Variants in NFATC3 observed in about 807,000 individuals in gnomAD.
NFATC3 encodes nuclear factor of activated T cells 3.
NFATC3 carries 46 observed loss-of-function variants against 98.6 expected under a neutral mutation model. The ratio of observed to expected loss-of-function variants is 0.47; its 90% CI spans 0.37 to 0.60. NFATC3 has a LOEUF of 0.60. Ranked by LOEUF, NFATC3 falls within the 20% of genes least tolerant of loss-of-function variation. The pLI is 0.00. For missense variants in NFATC3, 1,256 were observed against 1,295.5 expected (o/e 0.97, Z 0.47); for synonymous variants, 512 against 472.2 (o/e 1.08, Z -1.09).
intron 9 of NFATC3, among the ~76,000 whole-genome samples, chr16:68,201,546 C>G (rs2040915514): frequency 6.6e-6 from 1 of 151,246 alleles, no homozygotes; most frequent in Non-Finnish European, 1.5e-5. Flanking sequence ...GCTGGTATTA[C>G]AGGCGTGAGC....
chr16:68,115,736 T>TTTG (rs895291803), intron 1 of NFATC3, among the ~76,000 whole-genome samples: 1 of 152,124 alleles, frequency 6.6e-6, no homozygotes, highest in African/African-American at 2.4e-5. Context: ...ATTGTTTTTT[T>TTTG]TTGTTGTTGT....
intron 3 of NFATC3, chr16:68,138,606 C>T (rs2037573687): frequency 7.8e-7 from 1 of 1,289,076 alleles, no homozygotes; most frequent in Non-Finnish European, 1.0e-6. Flanking sequence ...ACTCAAGATA[C>T]TTAACTACAT....
intron 9 of NFATC3, among the ~76,000 whole-genome samples, chr16:68,203,629 T>C (rs1219245215): frequency 6.6e-6 from 1 of 152,130 alleles, no homozygotes; most frequent in Admixed American, 6.6e-5. Context: ...TGAGACCCTG[T>C]CTCAAAATAA....
At chr16:68,097,931 A>G (rs758420079) in intron 1 of NFATC3, among the ~76,000 whole-genome samples, 3 of 152,150 alleles carry the variant, frequency 2.0e-5, no homozygotes, top group African/African-American at 4.8e-5. Flanking sequence ...GAACATTTAT[A>G]TAAGTGGAAT....
At chr16:68,153,353 C>G (rs1271360918) in intron 3 of NFATC3, among the ~76,000 whole-genome samples, 1 of 152,086 alleles carries the variant, frequency 6.6e-6, no homozygotes, top group East Asian at 1.9e-4. Flanking sequence ...ACCCAGGAGG[C>G]AGAGGTTGCA....
intron 8 of NFATC3, among the ~76,000 whole-genome samples, chr16:68,188,151 G>T (rs1032404209): frequency 6.6e-6 from 1 of 152,132 alleles, no homozygotes; most frequent in East Asian, 1.9e-4. Flanking sequence ...CCTCAACCTC[G>T]CTCCAAGATT....
At position 68,191,041 on chromosome 16, in the gene NFATC3, A is replaced by G; in HGVS notation, c.2372A>G (p.Gln791Arg). The change falls in exon 9 of 10, where the codon CAA (glutamine) becomes CGA (arginine). Residue 791 changes from glutamine (Q) to arginine (R), a missense_variant. By Grantham distance (43) the Gln-to-Arg change is conservative. Coordinates refer to ENST00000346183, the MANE Select transcript of NFATC3 (RefSeq NM_173165.3). ...TCTCCAATTGTACACCAGCCTTTTCAAGTCACACCAACACCTCCTGTGGGG... is the reference window on the plus strand; with the variant it reads ...TCTCCAATTGTACACCAGCCTTTTCGAGTCACACCAACACCTCCTGTGGGG... ...IPSPIVHQPFQVTPTPPVGSS... is the reference protein window; with the variant it reads ...IPSPIVHQPFRVTPTPPVGSS... The G allele has an allele frequency of 6.2e-7, 1 of 1,614,182 alleles. No individual in the cohort carries two copies.
intron 9 of NFATC3, among the ~76,000 whole-genome samples, chr16:68,195,107 A>G (rs2040605426): frequency 6.6e-6 from 1 of 151,776 alleles, no homozygotes; most frequent in South Asian, 2.1e-4. Context: ...ACAAAAAAAA[A>G]AAGCCAGCGT....
intron 1 of NFATC3, among the ~76,000 whole-genome samples, chr16:68,120,889 C>T (rs916909641): frequency 1.3e-5 from 2 of 152,088 alleles, no homozygotes; most frequent in African/African-American, 4.8e-5. Context: ...GTTCCAATAT[C>T]CTATACTTTT....
At chr16:68,085,936 A>G in intron 1 of NFATC3, 152 bp downstream of exon 1, 1 of 564,382 alleles carries the variant, frequency 1.8e-6, no homozygotes, top group Non-Finnish European at 2.8e-6. Context: ...AAACGGATTT[A>G]AATCGCTGAG....
intron 1 of NFATC3, among the ~76,000 whole-genome samples, chr16:68,115,284 G>A (rs924459642): frequency 7.9e-5 from 12 of 152,022 alleles, no homozygotes; most frequent in African/African-American, 2.7e-4. Context: ...GGCTGGTCTC[G>A]AACTCCTGAC....
At chr16:68,209,850 G>GAC (rs755825565) in intron 9 of NFATC3, 28,167 of 314,024 alleles carry the variant, frequency 0.09, 1,256 homozygotes, top group South Asian at 0.11. Context: ...CACACACACA[G>GAC]ACACACACAC....
intron 9 of NFATC3, among the ~76,000 whole-genome samples, chr16:68,198,901 A>C (rs2151129769): frequency 6.6e-6 from 1 of 152,172 alleles, no homozygotes; most frequent in South Asian, 2.1e-4. Flanking sequence ...CAAAAAAACT[A>C]GCCAGACATG....
In NFATC3 at chr16:68,123,194, A is replaced by AT. The variant is rs1181927979; in HGVS notation, c.1238+73_1238+74insT. On this transcript the variant is annotated intron_variant, in intron 2 of 9. Coordinates refer to ENST00000346183, the MANE Select transcript of NFATC3 (RefSeq NM_173165.3). ...ATTGGTGGCATATAACTACATTATC[A>AT]GTATATAATGGTTATATAATGGTTT... is the stretch of plus-strand genomic sequence containing the variant. The AT allele has an allele frequency of 6.6e-5, 96 of 1,450,190 alleles. No homozygotes were observed. The Middle Eastern group carries it at 7.2e-4, about 11-fold the overall frequency. 89.8% of individuals were successfully genotyped at this position (1,450,190 alleles called of 1,614,324 possible). A position where few individuals can be genotyped will look rare whatever the true frequency, so the allele number is the denominator to read the frequency against.
intron 1 of NFATC3, among the ~76,000 whole-genome samples, chr16:68,092,497 T>C (rs974429726): frequency 2.9e-5 from 4 of 135,702 alleles, no homozygotes; most frequent in Non-Finnish European, 6.5e-5. Context: ...CACGGTGGCT[T>C]ACGCCTGTAA....
At chr16:68,085,923 TA>T in intron 1 of NFATC3, 139 bp downstream of exon 1, 1 of 607,778 alleles carries the variant, frequency 1.6e-6, no homozygotes, top group Non-Finnish European at 2.6e-6. Context: ...TGTGGTGAGT[TA>T]AAAACGGATT....
chr16:68,103,822 T>A (rs773038924), intron 1 of NFATC3, among the ~76,000 whole-genome samples: 14 of 152,230 alleles, frequency 9.2e-5, no homozygotes, highest in South Asian at 8.3e-4. Flanking sequence ...ATTTAAAGTC[T>A]TAGCACCCTT....
intron 3 of NFATC3, among the ~76,000 whole-genome samples, chr16:68,144,328 A>T (rs1452743670): frequency 1.3e-5 from 2 of 152,166 alleles, no homozygotes; most frequent in Admixed American, 1.3e-4. Context: ...ATAAACTGCT[A>T]GTGAGAGTTA....
At chr16:68,170,246 A>T (rs901831798) in intron 5 of NFATC3, among the ~76,000 whole-genome samples, 1 of 150,984 alleles carries the variant, frequency 6.6e-6, no homozygotes, top group Non-Finnish European at 1.5e-5. Flanking sequence ...CAAAAATTAG[A>T]TGGGCGTGGT....
Sources: allele counts gnomAD v4.1 joint callset (sites outside exome capture counted in the v4.1 genomes callset), GRCh38; gene constraint gnomAD v4.1.1; transcripts MANE v1.5; gene names NCBI Gene and HGNC (gene_info 2026-07-23, HGNC 2026-07-21).